The following SYCE2 variants were observed in gnomAD, a reference collection of about 807,000 sequenced individuals.
The protein encoded by SYCE2 is central element synaptonemal complex 1.
SYCE2 carries 3 observed loss-of-function variants against 27.9 expected under a neutral mutation model. The observed-to-expected ratio is 0.11, with a 90% CI of 0.05 to 0.28. The LOEUF is 0.28. Among genes scored for constraint, SYCE2 ranks in the 10% least tolerant of loss-of-function variants. The pLI is 1.00. For synonymous variants in SYCE2, 85 were observed against 100.7 expected (o/e 0.84, Z 0.93); for missense variants, 207 against 263.5 (o/e 0.79, Z 1.48).
Position 12,913,036 on chromosome 19 carries a change from C to T in SYCE2, c.131+5186G>A, listed in dbSNP as rs577139184. ...GTGGTGTCCTCTCTGCTGGCTTTCC[C>T]GGTTCCTAGGCTGGCTTCTGTTGCC... On this transcript the variant is annotated intron_variant, in intron 2 of 5. Coordinates refer to ENST00000293695, the MANE Select transcript of SYCE2 (RefSeq NM_001105578.2). Among the ~76,000 whole-genome samples the T allele has an allele frequency of 2.6e-5, 4 of 152,336 alleles. No homozygotes were observed. In the South Asian group the frequency reaches 8.3e-4, roughly 32 times the overall value.
At chr19:12,919,128 A>G (rs1019236903) in intron 1 of SYCE2, 115 bp downstream of exon 1, 24 of 1,416,146 alleles carry the variant, frequency 1.7e-5, no homozygotes, top group African/African-American at 2.8e-5. Context: ...GGGAGCCCCA[A>G]TGGCAAAGGA....
At position 12,919,283 on chromosome 19, in the gene SYCE2, G is replaced by A. The variant is rs1407091083; in HGVS notation, c.-26C>T. 2 of 1,608,716 alleles carry A rather than the reference G, an allele frequency of 1.2e-6. No homozygotes were observed. Among genetic ancestry groups the A allele is most frequent in the Non-Finnish European group, 8.5e-7 (1 of 1,179,954 alleles). The stretch of plus-strand genomic sequence containing the variant: ...TCCGTATTTTCCCGCCTTCAAGCTC[G>A]CACCCTCTGCGCATGCGCCGACCCC... On this transcript the variant is annotated 5_prime_UTR_variant, in exon 1 of 6. Coordinates refer to ENST00000293695, the MANE Select transcript of SYCE2 (RefSeq NM_001105578.2).
chr19:12,909,996 A>T (rs1447086111), intron 2 of SYCE2, among the ~76,000 whole-genome samples: 2 of 151,948 alleles, frequency 1.3e-5, no homozygotes, highest in Non-Finnish European at 2.9e-5. Context: ...CCTCCCAAGT[A>T]GCTGGGATTA....
chr19:12,899,526 C>G (rs1568431222), intron 5 of SYCE2, 141 bp from the exon 6 acceptor site: 1 of 1,614,188 alleles, frequency 6.2e-7, no homozygotes, highest in Admixed American at 1.7e-5. Flanking sequence ...TCCAGGCGTT[C>G]ACGGCCAGCA....
intron 2 of SYCE2, among the ~76,000 whole-genome samples, chr19:12,912,771 A>G (rs1971069948): frequency 1.3e-5 from 2 of 152,040 alleles, no homozygotes; most frequent in African/African-American, 4.8e-5. Context: ...GCAGCTAAGC[A>G]AACAGTAAAA....
chr19:12,906,349 G>T (rs1335278336), intron 2 of SYCE2: 5 of 152,202 alleles, frequency 3.3e-5, no homozygotes. Flanking sequence ...TTGGTCCCAT[G>T]TTGTACATGT....
chr19:12,912,338 G>T (rs934966924), intron 2 of SYCE2, among the ~76,000 whole-genome samples: 1 of 149,520 alleles, frequency 6.7e-6, no homozygotes, highest in Non-Finnish European at 1.5e-5. Flanking sequence ...TTCCCTTCCT[G>T]CCTCCTTCAT....
chr19:12,911,615 C>CTTTTTTTTTTTT (rs71168633), intron 2 of SYCE2, among the ~76,000 whole-genome samples: 1 of 103,748 alleles, frequency 9.6e-6, no homozygotes, highest in Non-Finnish European at 1.8e-5. Context: ...TAATTTTTGC[C>CTTTTTTTTTTTT]TTTTTTTTTT....
In SYCE2 at chr19:12,907,872, G is replaced by C. The variant is rs143673232; in HGVS notation, c.132-3206C>G. Among the ~76,000 whole-genome samples the C allele has an allele frequency of 1.6e-4, 25 of 152,164 alleles. No homozygotes were observed. In the South Asian group the frequency reaches 2.9e-3, roughly 18 times the overall value. On this transcript the variant is annotated intron_variant, in intron 2 of 5. Coordinates refer to ENST00000293695, the MANE Select transcript of SYCE2 (RefSeq NM_001105578.2). ...CTCACGCCTGTAATACCAGCACTTC[G>C]GGGGGCTAAGGCAGGTGAATCGTGA...
At position 12,898,991 on chromosome 19, in the gene SYCE2, T is replaced by A; in HGVS notation, c.*350A>T. On this transcript the variant is annotated 3_prime_UTR_variant, in exon 6 of 6. Transcript: ENST00000293695. ...TGCTCTTCCGATGTGCTGTCCCTCCTATCCCTCCCGAGGGTAAGAAAGGGC... is the reference window on the plus strand; with the variant it reads ...TGCTCTTCCGATGTGCTGTCCCTCCAATCCCTCCCGAGGGTAAGAAAGGGC... The A allele has an allele frequency of 2.9e-6, 1 of 350,300 alleles. No homozygotes were observed. The highest frequency in any genetic ancestry group is 5.5e-6 in the Non-Finnish European group (1 of 183,408). 21.7% of individuals were successfully genotyped at this position (350,300 alleles called of 1,614,324 possible).
chr19:12,901,721 T>G (rs894636585), intron 3 of SYCE2, among the ~76,000 whole-genome samples: 1 of 152,044 alleles, frequency 6.6e-6, no homozygotes, highest in African/African-American at 2.4e-5. Context: ...GTTCAAGCGA[T>G]TCTCCTGCCT....
At chr19:12,907,155 A>G (rs930964779) in intron 2 of SYCE2, among the ~76,000 whole-genome samples, 2 of 152,138 alleles carry the variant, frequency 1.3e-5, no homozygotes, top group Non-Finnish European at 2.9e-5. Context: ...CCCGGCACTG[A>G]GCTAAGTCAC....
intron 2 of SYCE2, among the ~76,000 whole-genome samples, chr19:12,908,873 C>T (rs989497848): frequency 6.6e-6 from 1 of 152,160 alleles, no homozygotes; most frequent in Non-Finnish European, 1.5e-5. Flanking sequence ...TGCCAGACAC[C>T]GTCAATCACA....
intron 2 of SYCE2, among the ~76,000 whole-genome samples, chr19:12,916,305 G>A (rs1485202884): frequency 9.2e-5 from 14 of 151,858 alleles, no homozygotes; most frequent in African/African-American, 2.7e-4. Context: ...TCCTGACCTC[G>A]TGATCCGCCT....
intron 5 of SYCE2, chr19:12,899,695 T>C: frequency 6.2e-7 from 1 of 1,612,404 alleles, no homozygotes; most frequent in Non-Finnish European, 8.5e-7. Context: ...ATTTCCCTTC[T>C]GAAGTCGTTC....
Position 12,904,585 on chromosome 19 carries a change from C to G in SYCE2, c.213G>C (p.Gln71His). 1 of 1,614,124 alleles carries G rather than the reference C, an allele frequency of 6.2e-7. No individual in the cohort carries two copies. Residue 71 changes from glutamine (Q) to histidine (H), a missense_variant, in exon 3 of 6, where the codon CAG becomes CAC. Physicochemically the swap from Gln to His is conservative, Grantham distance 24. Coordinates refer to ENST00000293695, the MANE Select transcript of SYCE2 (RefSeq NM_001105578.2). ...SSLDSSIDIL[Q>H]KRAQELIENI... ...TTTCGATCAGCTCCTGGGCTCTCTT[C>G]TGCAGGATGTCAATGCTTGAGTCCA... is the stretch of plus-strand genomic sequence containing the variant.
intron 2 of SYCE2, chr19:12,914,180 C>T (rs561938367): frequency 1.3e-5 from 2 of 152,316 alleles, no homozygotes; most frequent in African/African-American, 4.8e-5. Flanking sequence ...CTTGTCTCTG[C>T]CAGAGAAGCC....
intron 3 of SYCE2, 112 bp from the exon 4 acceptor site, chr19:12,900,760 T>G (rs979899532): frequency 3.9e-5 from 43 of 1,089,102 alleles, no homozygotes; most frequent in Non-Finnish European, 5.4e-5. Flanking sequence ...AATGACAAAA[T>G]AGGCTGGGCA....
Position 12,900,654 on chromosome 19 carries a change from A to G in SYCE2, c.307-6T>C. 1 of 1,611,176 alleles carries G rather than the reference A, an allele frequency of 6.2e-7. No homozygotes were observed. The highest frequency in any genetic ancestry group is 8.5e-7 in the Non-Finnish European group (1 of 1,178,324). ...TTCTCTGTCAGATCCGAAACCTGTTAAACAATAAGATGTGTTCTCGGAAAA... is the reference window on the plus strand; with the variant it reads ...TTCTCTGTCAGATCCGAAACCTGTTGAACAATAAGATGTGTTCTCGGAAAA... On this transcript the variant is annotated splice_polypyrimidine_tract_variant and splice_region_variant and intron_variant, in intron 3 of 5. Coordinates refer to ENST00000293695, the MANE Select transcript of SYCE2 (RefSeq NM_001105578.2).
Sources: gnomAD v4.1 joint callset for allele counts (sites outside exome capture counted in the v4.1 genomes callset) on GRCh38, gnomAD v4.1.1 for gene constraint, MANE v1.5 for transcripts, NCBI Gene and HGNC (gene_info 2026-07-23, HGNC 2026-07-21) for gene names.